Variants in SLC35F1 observed in about 807,000 individuals in gnomAD.
The protein encoded by SLC35F1 is solute carrier family 35 member F1.
In SLC35F1, 14 loss-of-function variants were observed where a neutral mutation model predicts 48.7. The ratio of observed to expected loss-of-function variants is 0.29; its 90% confidence interval spans 0.19 to 0.45. SLC35F1 has a LOEUF of 0.45. Ranked by LOEUF, SLC35F1 falls within the 20% of genes least tolerant of loss-of-function variation. The pLI, the probability that SLC35F1 is intolerant of heterozygous loss-of-function variation, is 1.00. For missense variants in SLC35F1, 404 were observed against 500.0 expected (o/e 0.81, Z 1.83); for synonymous variants, 190 against 202.2 (o/e 0.94, Z 0.51).
intron 2 of SLC35F1, among the ~76,000 whole-genome samples, chr6:118,162,983 G>T (rs1378003825): frequency 6.6e-6 from 1 of 150,550 alleles, no homozygotes; most frequent in South Asian, 2.1e-4. Flanking sequence ...TTTGAGGCGG[G>T]GTCTCACTCT....
At chr6:118,003,596 A>G (rs1198926757) in intron 1 of SLC35F1, among the ~76,000 whole-genome samples, 2 of 152,332 alleles carry the variant, frequency 1.3e-5, no homozygotes, top group East Asian at 3.9e-4. Context: ...GGAAAGAGAA[A>G]GTTTAAATTA....
At chr6:118,062,010 T>C (rs1451816017) in intron 1 of SLC35F1, among the ~76,000 whole-genome samples, 1 of 152,110 alleles carries the variant, frequency 6.6e-6, no homozygotes, top group African/African-American at 2.4e-5. Context: ...TAAACCATAG[T>C]TGAGCTGTAG....
intron 2 of SLC35F1, among the ~76,000 whole-genome samples, chr6:118,189,294 T>G (rs1582720153): frequency 6.6e-6 from 1 of 152,192 alleles, no homozygotes; most frequent in Non-Finnish European, 1.5e-5. Flanking sequence ...GTTTTCTTGA[T>G]AATAGCCATT....
intron 1 of SLC35F1, among the ~76,000 whole-genome samples, chr6:118,026,834 G>A (rs995378084): frequency 6.6e-6 from 1 of 152,094 alleles, no homozygotes; most frequent in Non-Finnish European, 1.5e-5. Context: ...TATAATTTAT[G>A]TACAGTAAAA....
At chr6:118,240,639 A>G (rs1332101658) in intron 3 of SLC35F1, among the ~76,000 whole-genome samples, 1 of 152,246 alleles carries the variant, frequency 6.6e-6, no homozygotes, top group Non-Finnish European at 1.5e-5. Context: ...ATTCTGAAGG[A>G]AATCAACACA....
intron 3 of SLC35F1, among the ~76,000 whole-genome samples, chr6:118,246,894 T>C (rs1246800121): frequency 6.6e-6 from 1 of 152,194 alleles, no homozygotes; most frequent in Admixed American, 6.5e-5. Context: ...TCCTTCCTAC[T>C]AAGTGACTTT....
intron 1 of SLC35F1, among the ~76,000 whole-genome samples, chr6:117,994,808 A>G (rs1776963776): frequency 6.6e-6 from 1 of 152,242 alleles, no homozygotes; most frequent in Non-Finnish European, 1.5e-5. Flanking sequence ...AAGCTATGAC[A>G]GATAAGTACA....
At chr6:117,959,485 T>G (rs367959462) in intron 1 of SLC35F1, among the ~76,000 whole-genome samples, 223 of 152,258 alleles carry the variant, frequency 1.5e-3, no homozygotes, top group African/African-American at 5.1e-3. Flanking sequence ...GAGGCAAAGT[T>G]TCCCAATGCT....
At chr6:118,142,679 T>G (rs1464403697) in intron 1 of SLC35F1, among the ~76,000 whole-genome samples, 1 of 152,170 alleles carries the variant, frequency 6.6e-6, no homozygotes, top group African/African-American at 2.4e-5. Context: ...ATAGAAGACC[T>G]TTTCGTCTAG....
intron 1 of SLC35F1, among the ~76,000 whole-genome samples, chr6:117,975,507 C>T (rs930450039): frequency 2.0e-5 from 3 of 152,112 alleles, no homozygotes; most frequent in Non-Finnish European, 4.4e-5. Flanking sequence ...AGTATGATCT[C>T]CCTCCCACTT....
At chr6:118,144,046 A>G (rs1773933032) in intron 1 of SLC35F1, among the ~76,000 whole-genome samples, 1 of 152,204 alleles carries the variant, frequency 6.6e-6, no homozygotes, top group East Asian at 1.9e-4. Context: ...TCAAAGACCT[A>G]GAACCAGAAC....
chr6:118,063,188 C>T (rs1443395490), intron 1 of SLC35F1, among the ~76,000 whole-genome samples: 1 of 152,098 alleles, frequency 6.6e-6, no homozygotes, highest in Non-Finnish European at 1.5e-5. Flanking sequence ...TTGAATTTAT[C>T]AGATATCCAC....
chr6:118,185,848 C>A (rs1774648952), intron 2 of SLC35F1, among the ~76,000 whole-genome samples: 1 of 152,132 alleles, frequency 6.6e-6, no homozygotes, highest in African/African-American at 2.4e-5. Flanking sequence ...TTGTTGATTA[C>A]AACAAGCACA....
At chr6:118,218,846 T>G (rs915132408) in intron 2 of SLC35F1, among the ~76,000 whole-genome samples, 1 of 152,234 alleles carries the variant, frequency 6.6e-6, no homozygotes, top group African/African-American at 2.4e-5. Context: ...CCACCTGCTA[T>G]GCCTCAGAGT....
intron 2 of SLC35F1, among the ~76,000 whole-genome samples, chr6:118,206,729 CAG>C (rs1288399353): frequency 5.9e-5 from 9 of 152,148 alleles, no homozygotes; most frequent in Non-Finnish European, 1.5e-5. Flanking sequence ...TTTTGTATCA[CAG>C]AGGCCATCTT....
chr6:118,232,901 G>GC (rs1189817788), intron 2 of SLC35F1, among the ~76,000 whole-genome samples: 2 of 151,860 alleles, frequency 1.3e-5, no homozygotes, highest in African/African-American at 4.8e-5. Flanking sequence ...CAATGCACAG[G>GC]CCCCCACCCA....
intron 2 of SLC35F1, among the ~76,000 whole-genome samples, chr6:118,216,244 A>AT (rs888197163): frequency 2.2e-4 from 33 of 146,940 alleles, no homozygotes; most frequent in Middle Eastern, 3.5e-3. Context: ...TGCCTGGCTA[A>AT]TTTTTTTTTT....
In SLC35F1 at chr6:118,272,926, A is replaced by G. The variant is rs184797826; in HGVS notation, c.638-2533A>G. ...TTTATTATATCAAACACTTCATTAT[A>G]TAATATAATTGGATAAAATTATGTT... On this transcript the variant is annotated intron_variant, in intron 4 of 7. Transcript: ENST00000360388. 9.8e-3 allele frequency among the ~76,000 whole-genome samples: 1,487 copies of G among 151,212 alleles called. 27 individuals carry two copies. Among genetic ancestry groups the G allele is most frequent in the African/African-American group, 0.034 (1,415 of 41,340 alleles).
chr6:117,923,603 A>G (rs908211024), intron 1 of SLC35F1, among the ~76,000 whole-genome samples: 1 of 12,382 alleles, frequency 8.1e-5, no homozygotes, highest in Non-Finnish European at 1.2e-4. Flanking sequence ...ATATGTGTAT[A>G]TATACATATA....
Sources: gnomAD v4.1 joint callset for allele counts (sites outside exome capture counted in the v4.1 genomes callset) on GRCh38, gnomAD v4.1.1 for gene constraint, MANE v1.5 for transcripts, NCBI Gene and HGNC (gene_info 2026-07-23, HGNC 2026-07-21) for gene names.